Variants in RBFOX3 observed in about 807,000 individuals in gnomAD.
RBFOX3 encodes RNA binding protein fox-1 homolog 3.
A neutral mutation model predicts 48.7 loss-of-function variants in RBFOX3; 17 were observed. That is an observed-to-expected ratio of 0.35 (90% CI 0.24 to 0.52). The LOEUF (loss-of-function observed/expected upper bound fraction) is 0.52. Among genes scored for constraint, RBFOX3 ranks in the 20% least tolerant of loss-of-function variants. RBFOX3 has a pLI of 0.94. For synonymous variants in RBFOX3, 212 were observed against 209.5 expected (o/e 1.01, Z -0.10); for missense variants, 382 against 497.5 (o/e 0.77, Z 2.21).
chr17:79,250,603 G>A (rs1034839388), intron 3 of RBFOX3, among the ~76,000 whole-genome samples: 1 of 152,072 alleles, frequency 6.6e-6, no homozygotes, highest in African/African-American at 2.4e-5. Flanking sequence ...AGATAAACAC[G>A]CTTGCTTGAG....
intron 3 of RBFOX3, among the ~76,000 whole-genome samples, chr17:79,286,664 T>TA (rs2071970682): frequency 6.6e-6 from 1 of 152,156 alleles, no homozygotes. Context: ...GTTAACCCCC[T>TA]ACTGGGCTGA....
Position 79,477,283 on chromosome 17 carries a change from G to A in RBFOX3, c.-175+5171C>T, listed in dbSNP as rs1417124381. 9.4e-4 allele frequency among the ~76,000 whole-genome samples: 136 copies of A among 144,428 alleles called. No individual in the cohort carries two copies. Among genetic ancestry groups the A allele is most frequent in the Admixed American group, 1.4e-3 (20 of 14,428 alleles). 94.8% of individuals were successfully genotyped at this position (144,428 alleles called of 152,430 possible). ...AAAAAAAAAAAAAAAAAAAGAGGGCGCGGTGGCTCACACCTGTAATCCCAG... is the reference window on the plus strand; with the variant it reads ...AAAAAAAAAAAAAAAAAAAGAGGGCACGGTGGCTCACACCTGTAATCCCAG... On this transcript the variant is annotated intron_variant, in intron 2 of 14. Coordinates refer to ENST00000693108, the MANE Select transcript of RBFOX3 (RefSeq NM_001350451.2). The surrounding 1 kb of genome is among the most constrained non-coding windows in gnomAD (Gnocchi z 4.8).
chr17:79,366,433 C>T lies in RBFOX3; in HGVS notation c.-174-58609G>A, dbSNP rs547987392. Among the ~76,000 whole-genome samples, 5 of 152,340 alleles carry T rather than the reference C, an allele frequency of 3.3e-5. No homozygotes were observed. In the East Asian group the frequency reaches 9.7e-4, roughly 29 times the overall value. ...GGAATGGGTGGGATCTGGCAGCTAA[C>T]GCCTGCTCTAAAAGCGAGCTGTGAT... On this transcript the variant is annotated intron_variant, in intron 2 of 14. Transcript: ENST00000693108.
chr17:79,634,916 C>T, the RBFOX3 span, among the ~76,000 whole-genome samples: 1 of 151,682 alleles, frequency 6.6e-6, no homozygotes, highest in African/African-American at 2.4e-5. Flanking sequence ...AAAAATTAGC[C>T]AGGTGTGGTG....
Position 79,295,211 on chromosome 17 carries a change from T to C in RBFOX3, c.-74+12513A>G, listed in dbSNP as rs558704919. On this transcript the variant is annotated intron_variant, in intron 3 of 14. Transcript: ENST00000693108. ...TAAGCCACGCAGCACGCAGATGAAA[T>C]CCGCCTCGTGTGTCCTCACTAAATC... Among the ~76,000 whole-genome samples, 15 of 152,234 alleles carry C rather than the reference T, an allele frequency of 9.9e-5. No individual in the cohort carries two copies. The South Asian group carries it at 3.1e-3, about 32-fold the overall frequency.
chr17:79,475,890 G>GC (rs1378325926), intron 2 of RBFOX3, among the ~76,000 whole-genome samples: 1 of 152,238 alleles, frequency 6.6e-6, no homozygotes, highest in Non-Finnish European at 1.5e-5. Flanking sequence ...CAACCCCGCT[G>GC]CCCTCCTGAT....
chr17:79,498,181 T>C (rs1430475511), intron 1 of RBFOX3, among the ~76,000 whole-genome samples: 12 of 152,202 alleles, frequency 7.9e-5, no homozygotes, highest in Admixed American at 7.9e-4. Context: ...TCAGGGCCAG[T>C]TTTGGCCTTC....
chr17:79,143,822 C>T (rs1206699050), intron 4 of RBFOX3, among the ~76,000 whole-genome samples: 1 of 152,216 alleles, frequency 6.6e-6, no homozygotes, highest in Non-Finnish European at 1.5e-5. Flanking sequence ...AAGACCCCCT[C>T]CATTTTCAGT....
rs375445511 is a variant in RBFOX3 at position 79,543,515 on chromosome 17, G to A, written c.-319-60917C>T. On this transcript the variant is annotated intron_variant, in intron 1 of 14. Coordinates refer to ENST00000693108, the MANE Select transcript of RBFOX3 (RefSeq NM_001350451.2). Reference sequence around the variant, plus strand: ...CTACGTCTCTCGTGGGGCAGGCTTCGGCTACTCAGCTACTCGGCACAGAGC... The same window carrying A: ...CTACGTCTCTCGTGGGGCAGGCTTCAGCTACTCAGCTACTCGGCACAGAGC... Among the ~76,000 whole-genome samples, 13 of 152,140 alleles carry A rather than the reference G, an allele frequency of 8.5e-5. No homozygotes were observed. In the East Asian group the frequency reaches 1.4e-3, roughly 16 times the overall value.
In RBFOX3 at chr17:79,473,676, C is replaced by A. The variant is rs2077328594; in HGVS notation, c.-175+8778G>T. The stretch of plus-strand genomic sequence containing the variant: ...ACGGCAGGTGGCCACACCCTGCAAG[C>A]TCCCTGTAATTCCAGCCATTACTCA... On this transcript the variant is annotated intron_variant, in intron 2 of 14. Coordinates refer to ENST00000693108, the MANE Select transcript of RBFOX3 (RefSeq NM_001350451.2). The surrounding 1 kb of genome is among the most constrained non-coding windows in gnomAD (Gnocchi z 4.2). 6.6e-6 allele frequency among the ~76,000 whole-genome samples: 1 copy of A among 152,222 alleles called. No individual in the cohort carries two copies. The highest frequency in any genetic ancestry group is 2.1e-4 in the South Asian group (1 of 4,832).
At chr17:79,217,792 T>C (rs1329378438) in intron 4 of RBFOX3, among the ~76,000 whole-genome samples, 1 of 151,966 alleles carries the variant, frequency 6.6e-6, no homozygotes, top group Non-Finnish European at 1.5e-5. Context: ...AGGGTGTTTT[T>C]TTAGGTGGAA....
rs1367859607 is a variant in RBFOX3 at position 79,108,809 on chromosome 17, G to A, written c.223-2021C>T. ...ACTTCCTGGGCTGCGCAGGGTGGTG[G>A]AGGACACAGCCTCCCCCGTACCACA... On this transcript the variant is annotated intron_variant, in intron 5 of 14. Coordinates refer to ENST00000693108, the MANE Select transcript of RBFOX3 (RefSeq NM_001350451.2). Among the ~76,000 whole-genome samples the A allele has an allele frequency of 2.0e-5, 3 of 152,264 alleles. No individual in the cohort carries two copies. The South Asian group carries it at 6.2e-4, about 32-fold the overall frequency.
intron 2 of RBFOX3, among the ~76,000 whole-genome samples, chr17:79,399,529 C>A (rs1264310447): frequency 1.3e-5 from 2 of 151,990 alleles, no homozygotes; most frequent in Non-Finnish European, 2.9e-5. Context: ...GGACTTTTCA[C>A]CATCAGGGGT....
rs573737749 is a variant in RBFOX3, at chr17:79,218,582, C to A, written c.-34+17184G>T. On this transcript the variant is annotated intron_variant, in intron 4 of 14. Transcript: ENST00000693108. ...CCCCCAGAGGAGCCCGGCAATCAGA[C>A]CCTAACCAGAGACGGAAGCCCCCTC... Among the ~76,000 whole-genome samples the A allele has an allele frequency of 2.0e-5, 3 of 152,230 alleles. No homozygotes were observed. In the South Asian group the frequency reaches 6.2e-4, roughly 32 times the overall value.
At chr17:79,465,416 C>T (rs1274189490) in intron 2 of RBFOX3, among the ~76,000 whole-genome samples, 1 of 152,212 alleles carries the variant, frequency 6.6e-6, no homozygotes, top group Non-Finnish European at 1.5e-5. Flanking sequence ...TGGAGGGCCA[C>T]GGGTCGGGGC....
chr17:79,414,450 C>G (rs1041835068), intron 2 of RBFOX3, among the ~76,000 whole-genome samples: 2 of 152,208 alleles, frequency 1.3e-5, no homozygotes, highest in African/African-American at 2.4e-5. Flanking sequence ...AGCCCCTCAG[C>G]GTGTATTTCC....
chr17:79,353,446 T>C (rs2084345466), intron 2 of RBFOX3, among the ~76,000 whole-genome samples: 1 of 152,232 alleles, frequency 6.6e-6, no homozygotes, highest in Non-Finnish European at 1.5e-5. Flanking sequence ...GAGCAAGCTT[T>C]GTTTGTTTGA....
At position 79,214,783 on chromosome 17, in the gene RBFOX3, G is replaced by GT. The variant is rs2058806591; in HGVS notation, c.-34+20982dup. On this transcript the variant is annotated intron_variant, in intron 4 of 14. Coordinates refer to ENST00000693108, the MANE Select transcript of RBFOX3 (RefSeq NM_001350451.2). The surrounding 1 kb of genome is among the most constrained non-coding windows in gnomAD (Gnocchi z 4.7). Reference sequence around the variant, plus strand: ...ACACTAAATCCTCATTACAAGGCTTGTTAAATGCACAGACAGGATATTAGC... The same window carrying GT: ...ACACTAAATCCTCATTACAAGGCTTGTTTAAATGCACAGACAGGATATTAGC... 6.6e-6 allele frequency among the ~76,000 whole-genome samples: 1 copy of GT among 152,144 alleles called. No homozygotes were observed. Among genetic ancestry groups the GT allele is most frequent in the African/African-American group, 2.4e-5 (1 of 41,426 alleles).
Position 79,421,888 on chromosome 17 carries a change from G to A in RBFOX3, c.-175+60566C>T, listed in dbSNP as rs1377494928. Among the ~76,000 whole-genome samples the A allele has an allele frequency of 4.6e-5, 7 of 152,092 alleles. No homozygotes were observed. Among genetic ancestry groups the A allele is most frequent in the African/African-American group, 1.7e-4 (7 of 41,410 alleles). On this transcript the variant is annotated intron_variant, in intron 2 of 14. Transcript: ENST00000693108. This position sits in a 1 kb window ranked among gnomAD's most constrained non-coding sequence, Gnocchi z 4.5. ...AGGCTCATGGGTTCCAGGAACCCAC[G>A]CCCCACCCCAAGCTGCCCGGTCCTC...
Sources: gnomAD v4.1 joint callset for allele counts (sites outside exome capture counted in the v4.1 genomes callset) on GRCh38, gnomAD v4.1.1 for gene constraint, Gnocchi (gnomAD v3.1) non-coding constraint, MANE v1.5 for transcripts, NCBI Gene and HGNC (gene_info 2026-07-23, HGNC 2026-07-21) for gene names.